Variants in MARCHF1 observed in about 807,000 individuals in gnomAD.
The protein encoded by MARCHF1 is membrane associated ring-CH-type finger 1, also known as E3 ubiquitin-protein ligase MARCHF1.
In MARCHF1, 40 loss-of-function variants were observed where a neutral mutation model predicts 54.2. The ratio of observed to expected loss-of-function variants is 0.74; its 90% CI spans 0.57 to 0.96. MARCHF1 has a LOEUF of 0.96. MARCHF1 is among the 40% of genes least tolerant of loss of function. The pLI, the probability that MARCHF1 is intolerant of heterozygous loss-of-function variation, is 0.00. For missense variants in MARCHF1, 586 were observed against 656.5 expected, an observed-to-expected ratio of 0.89 and a Z score of 1.17; for synonymous variants, 236 against 236.3, an observed-to-expected ratio of 1.00 and a Z score of 0.01.
intron 5 of MARCHF1, among the ~76,000 whole-genome samples, chr4:163,655,224 TCATA>T (rs1743096256): frequency 6.6e-6 from 1 of 151,796 alleles, no homozygotes; most frequent in Non-Finnish European, 1.5e-5. Flanking sequence ...GTTTATTCAT[TCATA>T]ATTTATTTTT....
At chr4:163,768,124 T>C (rs1016220982) in intron 4 of MARCHF1, among the ~76,000 whole-genome samples, 2 of 152,222 alleles carry the variant, frequency 1.3e-5, no homozygotes, top group African/African-American at 4.8e-5. Flanking sequence ...TTTTGAGGTT[T>C]GATTTCTTTA....
rs76266035 is a variant in MARCHF1, at chr4:163,913,675, C to T, written c.-38-59506G>A. On this transcript the variant is annotated intron_variant, in intron 3 of 9. Transcript: ENST00000514618. ...GAGGAAGATAACTGAGGAGAATGAG[C>T]CTTCCTCTGGATAGCCACTCTTGTT... Among the ~76,000 whole-genome samples the T allele has an allele frequency of 5.8e-4, 89 of 152,250 alleles. 1 individual carries two copies. In the East Asian group the frequency reaches 0.016, roughly 27 times the overall value.
chr4:164,122,837 G>A lies in MARCHF1; in HGVS notation c.-322-11175C>T, dbSNP rs542056454. 2.0e-5 allele frequency among the ~76,000 whole-genome samples: 3 copies of A among 152,154 alleles called. No homozygotes were observed. In the South Asian group the frequency reaches 6.2e-4, roughly 32 times the overall value. On this transcript the variant is annotated intron_variant, in intron 1 of 9. Transcript: ENST00000514618. ...TACAGCAAGTATCGTACTGAGTAGT[G>A]AAAAACTGAAAGCCTTTCCTCTAAC...
chr4:163,981,858 A>G (rs1752769844), intron 3 of MARCHF1, among the ~76,000 whole-genome samples: 1 of 152,224 alleles, frequency 6.6e-6, no homozygotes, highest in Non-Finnish European at 1.5e-5. Context: ...GACCACATGG[A>G]GTCTCATTAA....
chr4:164,363,528 C>T lies in MARCHF1; in HGVS notation c.-323+20342G>A, dbSNP rs182391683. Among the ~76,000 whole-genome samples, 22 of 152,026 alleles carry T rather than the reference C, an allele frequency of 1.4e-4. No homozygotes were observed. The East Asian group carries it at 4.2e-3, about 29-fold the overall frequency. Reference sequence around the variant, plus strand: ...TAGAGATGTGGATAGTGTCGATTGACGAAAAGGCATCCACAGGACCCTACG... The same window carrying T: ...TAGAGATGTGGATAGTGTCGATTGATGAAAAGGCATCCACAGGACCCTACG... On this transcript the variant is annotated intron_variant, in intron 1 of 9. Coordinates refer to ENST00000514618, the MANE Select transcript of MARCHF1 (RefSeq NM_001394959.1).
rs570924119 is a variant in MARCHF1 at position 164,236,265 on chromosome 4, T to C, written c.-322-124603A>G. Among the ~76,000 whole-genome samples, 4 of 152,250 alleles carry C rather than the reference T, an allele frequency of 2.6e-5. No individual in the cohort carries two copies. The South Asian group carries it at 8.3e-4, about 32-fold the overall frequency. Reference sequence around the variant, plus strand: ...GTTTCCACAGCAGCTGGTTGAAACATTTCCATTAATAAATCAATATATAAC... The same window carrying C: ...GTTTCCACAGCAGCTGGTTGAAACACTTCCATTAATAAATCAATATATAAC... On this transcript the variant is annotated intron_variant, in intron 1 of 9. Transcript: ENST00000514618.
At chr4:164,339,528 A>T (rs555887445) in intron 1 of MARCHF1, among the ~76,000 whole-genome samples, 8 of 152,310 alleles carry the variant, frequency 5.3e-5, no homozygotes, top group South Asian at 4.1e-4. Flanking sequence ...AGGCAAAAAA[A>T]ATTTAAAACA....
intron 3 of MARCHF1, among the ~76,000 whole-genome samples, chr4:163,897,566 C>T (rs1324707007): frequency 6.6e-6 from 1 of 152,080 alleles, no homozygotes; most frequent in Non-Finnish European, 1.5e-5. Context: ...AATAAAGCCA[C>T]ATACCTACAA....
chr4:164,241,386 T>C (rs113155450), intron 1 of MARCHF1, among the ~76,000 whole-genome samples: 6 of 152,288 alleles, frequency 3.9e-5, no homozygotes, highest in African/African-American at 7.2e-5. Context: ...TTGTGCTCCT[T>C]TGGCCCAGCG....
intron 1 of MARCHF1, among the ~76,000 whole-genome samples, chr4:164,341,302 T>A (rs1180825087): frequency 6.7e-6 from 1 of 150,374 alleles, no homozygotes. Flanking sequence ...CCCAGCATAC[T>A]CAAGAGTAAA....
chr4:164,217,788 T>G (rs1253459926), intron 1 of MARCHF1, among the ~76,000 whole-genome samples: 1 of 152,154 alleles, frequency 6.6e-6, no homozygotes, highest in Non-Finnish European at 1.5e-5. Context: ...TGCTCCCCAC[T>G]CATCGGTCTC....
At chr4:164,367,448 C>A (rs1730907344) in intron 1 of MARCHF1, among the ~76,000 whole-genome samples, 1 of 151,494 alleles carries the variant, frequency 6.6e-6, no homozygotes, top group Non-Finnish European at 1.5e-5. Flanking sequence ...TAATATTTAC[C>A]CTTAAAATGT....
chr4:164,109,934 A>AAAAAAAAAC, intron 2 of MARCHF1, among the ~76,000 whole-genome samples: 1 of 150,126 alleles, frequency 6.7e-6, no homozygotes, highest in Non-Finnish European at 1.5e-5. Flanking sequence ...AAAAAAAAAA[A>AAAAAAAAAC]AAGAAAATGT....
rs574176548 is a variant in MARCHF1, at chr4:164,274,647, C to T, written c.-323+109223G>A. 6.9e-5 allele frequency among the ~76,000 whole-genome samples: 8 copies of T among 115,744 alleles called. No individual in the cohort carries two copies. The South Asian group carries it at 2.0e-3, about 29-fold the overall frequency. 75.9% of individuals were successfully genotyped at this position (115,744 alleles called of 152,430 possible). ...AACTCTACCTGTCGCTTGATGTGTG[C>T]TTCAGGGTACACTTTTTTTTTTTTT... is the stretch of plus-strand genomic sequence containing the variant. On this transcript the variant is annotated intron_variant, in intron 1 of 9. Coordinates refer to ENST00000514618, the MANE Select transcript of MARCHF1 (RefSeq NM_001394959.1).
At chr4:163,859,384 A>C (rs1236790566) in intron 3 of MARCHF1, among the ~76,000 whole-genome samples, 2 of 125,016 alleles carry the variant, frequency 1.6e-5, no homozygotes, top group Non-Finnish European at 3.3e-5. Context: ...TTTTTTTTTG[A>C]AATGGAGTTC....
chr4:164,246,067 C>A (rs1353342167), intron 1 of MARCHF1, among the ~76,000 whole-genome samples: 1 of 47,888 alleles, frequency 2.1e-5, no homozygotes, highest in Non-Finnish European at 4.9e-5. Context: ...ATCAAGCTAC[C>A]AATGACTTTC....
At chr4:164,254,847 C>T (rs1733233497) in intron 1 of MARCHF1, among the ~76,000 whole-genome samples, 1 of 152,154 alleles carries the variant, frequency 6.6e-6, no homozygotes, top group Non-Finnish European at 1.5e-5. Flanking sequence ...TTTGCCTTCC[C>T]CAGCCCACTG....
intron 3 of MARCHF1, among the ~76,000 whole-genome samples, chr4:163,948,784 G>T (rs1298743983): frequency 1.3e-5 from 2 of 152,300 alleles, no homozygotes; most frequent in East Asian, 1.9e-4. Flanking sequence ...ACATTTAATG[G>T]AACAATCAGC....
At chr4:164,117,766 G>A (rs982566463) in intron 1 of MARCHF1, among the ~76,000 whole-genome samples, 7 of 151,920 alleles carry the variant, frequency 4.6e-5, no homozygotes, top group African/African-American at 1.7e-4. Context: ...TGGGCATGAT[G>A]GTGGGCACCT....
Sources: gnomAD v4.1 joint callset for allele counts (sites outside exome capture counted in the v4.1 genomes callset) on GRCh38, gnomAD v4.1.1 for gene constraint, MANE v1.5 for transcripts, NCBI Gene and HGNC (gene_info 2026-07-23, HGNC 2026-07-21) for gene names.